Variants in TRIM33 observed in about 807,000 individuals in gnomAD.
TRIM33 encodes the protein tripartite motif containing 33.
In TRIM33, 20 loss-of-function variants were observed where a neutral mutation model predicts 125.4. The observed-to-expected ratio is 0.16, with a 90% CI of 0.11 to 0.23. The LOEUF (loss-of-function observed/expected upper bound fraction) is 0.23, where lower values mean the gene tolerates loss of function less well. TRIM33 is among the 10% of genes least tolerant of loss of function. The pLI, the probability that TRIM33 is intolerant of heterozygous loss-of-function variation, is 1.00. For missense variants in TRIM33, 920 were observed against 1,411.4 expected (o/e 0.65, Z 5.58); for synonymous variants, 564 against 513.9 (o/e 1.10, Z -1.32).
At chr1:114,408,801 A>T in intron 12 of TRIM33, 61 bp from the exon 13 acceptor site, 1 of 1,149,844 alleles carries the variant, frequency 8.7e-7, no homozygotes, top group East Asian at 2.5e-5. Flanking sequence ...AATTCTACCT[A>T]CCGGTCACAG....
At chr1:114,402,705 A>G in intron 16 of TRIM33, 55 bp downstream of exon 16, 1 of 1,581,252 alleles carries the variant, frequency 6.3e-7, no homozygotes. Context: ...AAAGGTGTAT[A>G]TATAGGCAGA....
chr1:114,436,472 T>C lies in TRIM33; in HGVS notation c.924-2739A>G, dbSNP rs528411586. 1.6e-4 allele frequency among the ~76,000 whole-genome samples: 25 copies of C among 152,036 alleles called. No homozygotes were observed. The South Asian group carries it at 2.5e-3, about 15-fold the overall frequency. ...ACGTGAATATTTTCAGAGAGTTTTT[T>C]TGTTTGTTTTTGAGACGGAGTCTCG... On this transcript the variant is annotated intron_variant, in intron 4 of 19. Transcript: ENST00000358465.
intron 11 of TRIM33, among the ~76,000 whole-genome samples, chr1:114,418,104 T>C (rs1173356385): frequency 1.3e-5 from 2 of 152,200 alleles, no homozygotes; most frequent in Non-Finnish European, 2.9e-5. Context: ...CAGTTCTGCA[T>C]GGCTGGGGAG....
At chr1:114,459,779 C>T (rs1361136959) in intron 4 of TRIM33, among the ~76,000 whole-genome samples, 1 of 152,058 alleles carries the variant, frequency 6.6e-6, no homozygotes, top group African/African-American at 2.4e-5. Flanking sequence ...TATATATATA[C>T]AGTTAAACAA....
intron 1 of TRIM33, among the ~76,000 whole-genome samples, chr1:114,506,877 GC>G (rs1284133345): frequency 1.3e-4 from 20 of 152,272 alleles, no homozygotes; most frequent in Non-Finnish European, 2.4e-4. Context: ...GGTACCACCA[GC>G]ATCAAAATCA....
chr1:114,475,030 G>A (rs2101454214), intron 1 of TRIM33, among the ~76,000 whole-genome samples: 1 of 152,172 alleles, frequency 6.6e-6, no homozygotes, highest in Non-Finnish European at 1.5e-5. Flanking sequence ...ATAGTTATAT[G>A]CATATGTGTA....
chr1:114,506,880 T>A (rs1653035607), intron 1 of TRIM33, among the ~76,000 whole-genome samples: 1 of 152,172 alleles, frequency 6.6e-6, no homozygotes, highest in Non-Finnish European at 1.5e-5. Flanking sequence ...ACCACCAGCA[T>A]CAAAATCACA....
chr1:114,430,216 A>C (rs529948880), intron 6 of TRIM33, among the ~76,000 whole-genome samples: 1 of 152,094 alleles, frequency 6.6e-6, no homozygotes, highest in East Asian at 1.9e-4. Context: ...CTTTACGTAC[A>C]TCACATTTTA....
At chr1:114,497,352 A>T (rs1652431944) in intron 1 of TRIM33, among the ~76,000 whole-genome samples, 1 of 152,150 alleles carries the variant, frequency 6.6e-6, no homozygotes, top group Non-Finnish European at 1.5e-5. Context: ...GCTGGAGTGC[A>T]ACAGCGCAAT....
chr1:114,463,041 A>G (rs538197098), intron 4 of TRIM33, 63 bp downstream of exon 4: 4 of 1,317,244 alleles, frequency 3.0e-6, no homozygotes, highest in Non-Finnish European at 4.1e-6. Context: ...TGCTTTAAGA[A>G]GAAGAATGAC....
rs935991597 is a variant in TRIM33, at chr1:114,394,573, T to A, written c.*3075A>T. 4.8e-6 allele frequency: 1 copy of A among 209,212 alleles called. No homozygotes were observed. Among genetic ancestry groups the A allele is most frequent in the Admixed American group, 5.9e-5 (1 of 16,950 alleles). The allele number at this position is 209,212 out of a possible 1,614,324, so 13.0% of individuals were successfully genotyped here. ...TATCACAAAAAATGAGACAACTGAC[T>A]TAGCATTACCTAAAATTCCCTTATG... is the stretch of plus-strand genomic sequence containing the variant. On this transcript the variant is annotated 3_prime_UTR_variant, in exon 20 of 20. Coordinates refer to ENST00000358465, the MANE Select transcript of TRIM33 (RefSeq NM_015906.4).
At chr1:114,469,977 T>C (rs531476524) in intron 1 of TRIM33, among the ~76,000 whole-genome samples, 81 of 152,356 alleles carry the variant, frequency 5.3e-4, no homozygotes, top group Non-Finnish European at 7.9e-4. Flanking sequence ...TCAGTAAGTA[T>C]TTCCAAAGTT....
chr1:114,426,160 G>A (rs1333819432), intron 8 of TRIM33, among the ~76,000 whole-genome samples: 1 of 152,142 alleles, frequency 6.6e-6, no homozygotes, highest in East Asian at 1.9e-4. Context: ...CGTCTTCTGT[G>A]GAAATACTGA....
intron 4 of TRIM33, among the ~76,000 whole-genome samples, chr1:114,443,218 C>T (rs1382511607): frequency 2.0e-5 from 3 of 151,578 alleles, no homozygotes; most frequent in Non-Finnish European, 2.9e-5. Context: ...CCCATCACTA[C>T]TAAAAATACA....
intron 9 of TRIM33, among the ~76,000 whole-genome samples, 186 bp downstream of exon 9, chr1:114,425,259 TTTAC>T (rs1479653194): frequency 6.6e-6 from 1 of 152,184 alleles, no homozygotes; most frequent in East Asian, 1.9e-4. Context: ...CCCAAGACAA[TTTAC>T]TTACTGCCTT....
At chr1:114,429,240 T>C (rs1647785130) in intron 6 of TRIM33, among the ~76,000 whole-genome samples, 1 of 151,048 alleles carries the variant, frequency 6.6e-6, no homozygotes, top group Admixed American at 6.6e-5. Flanking sequence ...CAGGCTGGAG[T>C]GCGGAGGCGC....
chr1:114,427,766 T>G lies in TRIM33; in HGVS notation c.1284A>C (p.Leu428=), dbSNP rs766598361. 3 of 1,614,052 alleles carry G rather than the reference T, an allele frequency of 1.9e-6. No homozygotes were observed. Among genetic ancestry groups the G allele is most frequent in the Non-Finnish European group, 2.5e-6 (3 of 1,180,008 alleles). Residue 428 remains leucine, a synonymous_variant, in exon 7 of 20, where the codon CTA becomes CTC. Transcript: ENST00000358465. ...WAIASGSSTA[L]LYSKRLITFQ... ...GTCTCACCAGTCGCTTGCTGTATAG[T>G]AGTGCTGTGCTGCTGCCACTTGCAA...
At chr1:114,446,773 A>G (rs1311649540) in intron 4 of TRIM33, among the ~76,000 whole-genome samples, 1 of 152,184 alleles carries the variant, frequency 6.6e-6, no homozygotes, top group Non-Finnish European at 1.5e-5. Context: ...CAGAGAAAGG[A>G]GCCTGGCATG....
intron 12 of TRIM33, among the ~76,000 whole-genome samples, chr1:114,409,779 G>A (rs189837470): frequency 1.3e-5 from 2 of 152,280 alleles, no homozygotes; most frequent in Admixed American, 1.3e-4. Flanking sequence ...TACTGTGAAG[G>A]TATTTTTTTA....
Sources: gnomAD v4.1 joint callset for allele counts (sites outside exome capture counted in the v4.1 genomes callset) on GRCh38, gnomAD v4.1.1 for gene constraint, MANE v1.5 for transcripts, NCBI Gene and HGNC (gene_info 2026-07-23, HGNC 2026-07-21) for gene names.